DMXL1: variants seen among roughly 807,000 people sequenced by gnomAD.
DMXL1 encodes the protein dmX-like protein 1.
DMXL1 carries 99 observed loss-of-function variants against 319.2 expected under a neutral mutation model. That is an observed-to-expected ratio of 0.31 (90% confidence interval 0.26 to 0.37). The LOEUF (loss-of-function observed/expected upper bound fraction) is 0.37. Among genes scored for constraint, DMXL1 ranks in the 10% least tolerant of loss-of-function variants. DMXL1 has a pLI of 1.00. For missense variants in DMXL1, 3,745 were observed against 3,595.6 expected (o/e 1.04, Z -1.06); for synonymous variants, 1,385 against 1,235.2 (o/e 1.12, Z -2.54).
intron 7 of DMXL1, among the ~76,000 whole-genome samples, chr5:119,118,029 G>A (rs1055319288): frequency 3.9e-5 from 6 of 152,182 alleles, no homozygotes; most frequent in African/African-American, 1.4e-4. Context: ...CTGATGGAAG[G>A]TAGTCCTTGC....
intron 34 of DMXL1, among the ~76,000 whole-genome samples, chr5:119,212,591 A>G (rs972400440): frequency 1.6e-4 from 24 of 152,146 alleles, no homozygotes; most frequent in Non-Finnish European, 2.4e-4. Context: ...TCATATAGCA[A>G]TTCTGTGTTT....
rs550908833 is a variant in DMXL1, at chr5:119,216,840, T to A, written c.7927-61T>A. ...GCAAGTACTAATTGATAGATTGGCA[T>A]ATATTATTAGTTCTATTACTAAAAT... On this transcript the variant is annotated intron_variant, in intron 34 of 43. Coordinates refer to ENST00000539542, the MANE Select transcript of DMXL1 (RefSeq NM_001290321.3). The A allele has an allele frequency of 1.8e-4, 153 of 842,994 alleles. No individual in the cohort carries two copies. The African/African-American group carries it at 2.6e-3, about 14-fold the overall frequency. The allele number at this position is 842,994 out of a possible 1,614,324, so 52.2% of individuals were successfully genotyped here. A position where few individuals can be genotyped will look rare whatever the true frequency, so the allele number is the denominator to read the frequency against.
chr5:119,123,481 G>T (rs1762775376), intron 9 of DMXL1, among the ~76,000 whole-genome samples: 1 of 150,116 alleles, frequency 6.7e-6, no homozygotes, highest in Non-Finnish European at 1.5e-5. Flanking sequence ...AGAGGGAGAG[G>T]CCTATTTTTC....
intron 19 of DMXL1, among the ~76,000 whole-genome samples, chr5:119,152,683 C>CA (rs1182270143): frequency 6.6e-6 from 1 of 152,152 alleles, no homozygotes; most frequent in Non-Finnish European, 1.5e-5. Context: ...TTAGAGAGTT[C>CA]AAAGTAAGAG....
At chr5:119,137,096 A>T (rs1766180537) in intron 13 of DMXL1, among the ~76,000 whole-genome samples, 1 of 152,252 alleles carries the variant, frequency 6.6e-6, no homozygotes, top group South Asian at 2.1e-4. Context: ...CTGCAGAGCC[A>T]CAGGGGCAGA....
rs373438366 is a variant in DMXL1, at chr5:119,149,300, T to C, written c.3473T>C (p.Ile1158Thr). The change falls in exon 18 of 44, where the codon ATT (isoleucine) becomes ACT (threonine). Residue 1158 changes from isoleucine (I) to threonine (T), a missense_variant. This residue lies in a region of DMXL1 where 2,096 missense variants were observed against 1,985.4 expected (regional missense o/e 1.06). Coordinates refer to ENST00000539542, the MANE Select transcript of DMXL1 (RefSeq NM_001290321.3). The stretch of plus-strand genomic sequence containing the variant: ...GGTTCTCATATCCTGACTGTAGGAA[T>C]TGGATCAAAACTTTTTATGTATGGA... ...EDGSHILTVG[I>T]GSKLFMYGPL... The C allele has an allele frequency of 2.7e-5, 44 of 1,613,848 alleles. 1 individual carries two copies. The highest frequency in any genetic ancestry group is 3.5e-5 in the Non-Finnish European group (41 of 1,179,906).
At chr5:119,239,108 A>G in intron 41 of DMXL1, 28 bp downstream of exon 41, 1 of 1,609,778 alleles carries the variant, frequency 6.2e-7, no homozygotes, top group Non-Finnish European at 8.5e-7. Flanking sequence ...AAATTGAAGT[A>G]TGAGAAAGTA....
At chr5:119,076,038 G>A (rs1475187594) in intron 1 of DMXL1, among the ~76,000 whole-genome samples, 2 of 151,974 alleles carry the variant, frequency 1.3e-5, no homozygotes, top group Non-Finnish European at 2.9e-5. Flanking sequence ...GGTTGAAACT[G>A]TGATTTGAAT....
intron 19 of DMXL1, among the ~76,000 whole-genome samples, chr5:119,159,815 G>C (rs1771893198): frequency 6.6e-6 from 1 of 151,896 alleles, no homozygotes; most frequent in African/African-American, 2.4e-5. Flanking sequence ...GTAGAAACAG[G>C]GTTTTGCCAT....
Position 119,134,182 on chromosome 5 carries a change from A to G in DMXL1, c.2254+4A>G. On this transcript the variant is annotated splice_donor_region_variant and intron_variant, in intron 12 of 43. Transcript: ENST00000539542. ...CTTATACCCAGTTATTGTCTGGGTA[A>G]GTATTCTGGTTTTTATTACAGTAAT... 6.2e-7 allele frequency: 1 copy of G among 1,609,468 alleles called. No homozygotes were observed. Among genetic ancestry groups the G allele is most frequent in the Non-Finnish European group, 8.5e-7 (1 of 1,178,226 alleles).
At chr5:119,199,117 T>G (rs1215545951) in intron 32 of DMXL1, among the ~76,000 whole-genome samples, 3 of 152,036 alleles carry the variant, frequency 2.0e-5, no homozygotes, top group Admixed American at 6.6e-5. Flanking sequence ...CAAACTCCTG[T>G]GCTCAAGCAG....
At chr5:119,238,011 A>G (rs1275873669) in intron 40 of DMXL1, among the ~76,000 whole-genome samples, 1 of 152,140 alleles carries the variant, frequency 6.6e-6, no homozygotes. Flanking sequence ...GTTAATTGCT[A>G]GAATACAGTA....
upstream of DMXL1, among the ~76,000 whole-genome samples, chr5:119,071,046 G>A (rs866214330): frequency 6.6e-6 from 1 of 152,208 alleles, no homozygotes; most frequent in African/African-American, 2.4e-5. Flanking sequence ...AGTAGCAGCT[G>A]CCCCGAGCGA....
At chr5:119,221,858 A>G (rs1009748941) in intron 37 of DMXL1, among the ~76,000 whole-genome samples, 2 of 151,900 alleles carry the variant, frequency 1.3e-5, no homozygotes, top group African/African-American at 4.8e-5. Context: ...GAACTGAAAC[A>G]TAATTTTTCT....
chr5:119,138,078 C>T (rs936700504), intron 13 of DMXL1, among the ~76,000 whole-genome samples: 8 of 151,930 alleles, frequency 5.3e-5, no homozygotes, highest in Non-Finnish European at 7.4e-5. Flanking sequence ...ACGTGGGATG[C>T]GGAAGTAGAT....
chr5:119,082,176 G>A (rs1487644560), intron 1 of DMXL1, among the ~76,000 whole-genome samples: 1 of 151,990 alleles, frequency 6.6e-6, no homozygotes, highest in African/African-American at 2.4e-5. Flanking sequence ...TAGTGGCGCA[G>A]TCGTAACTCA....
chr5:119,083,369 A>G (rs888060100), intron 1 of DMXL1, among the ~76,000 whole-genome samples: 1 of 152,100 alleles, frequency 6.6e-6, no homozygotes, highest in Admixed American at 6.6e-5. Flanking sequence ...GTGTACATAT[A>G]CTACATTTTT....
At chr5:119,230,641 G>A (rs1786515850) in intron 38 of DMXL1, among the ~76,000 whole-genome samples, 1 of 152,154 alleles carries the variant, frequency 6.6e-6, no homozygotes, top group South Asian at 2.1e-4. Flanking sequence ...CCAGCACTTT[G>A]GGAGGCCAAG....
In DMXL1 at chr5:119,170,279, T is replaced by A; in HGVS notation, c.5488T>A (p.Ser1830Thr). The A allele has an allele frequency of 1.2e-6, 2 of 1,613,868 alleles. No individual in the cohort carries two copies. Among genetic ancestry groups the A allele is most frequent in the Non-Finnish European group, 8.5e-7 (1 of 1,179,952 alleles). Reference sequence around the variant, plus strand: ...TCTTTTGCTGAGACGTCATTTTGGATCATCTGATACATTTTCCACACATAT... The same window carrying A: ...TCTTTTGCTGAGACGTCATTTTGGAACATCTGATACATTTTCCACACATAT... Reference protein sequence around the residue: ...HPLLLRRHFGSSDTFSTHMSL... With the variant: ...HPLLLRRHFGTSDTFSTHMSL... The change falls in exon 24 of 44, where the codon TCA becomes ACA. Residue 1830 changes from serine (S) to threonine (T), a missense_variant. Ser to Thr is a moderately conservative substitution (Grantham distance 58, BLOSUM62 1). This residue lies in a region of DMXL1 where 1,382 missense variants were observed against 1,269.5 expected (regional missense o/e 1.09). Coordinates refer to ENST00000539542, the MANE Select transcript of DMXL1 (RefSeq NM_001290321.3).
Sources: allele counts gnomAD v4.1 joint callset (sites outside exome capture counted in the v4.1 genomes callset), GRCh38; gene constraint gnomAD v4.1.1; regional missense constraint gnomAD v4.1.1; transcripts MANE v1.5; gene names NCBI Gene and HGNC (gene_info 2026-07-23, HGNC 2026-07-21).